Variants in CSNK1G1 observed in about 807,000 individuals in gnomAD.
CSNK1G1 encodes casein kinase 1 gamma 1, also known as casein kinase I isoform gamma-1.
In CSNK1G1, 22 loss-of-function variants were observed where a neutral mutation model predicts 59.6. That is an observed-to-expected ratio of 0.37 (90% CI 0.26 to 0.53). The LOEUF (loss-of-function observed/expected upper bound fraction) is 0.53. Among genes scored for constraint, CSNK1G1 ranks in the 20% least tolerant of loss-of-function variants. CSNK1G1 has a pLI of 0.89. For missense variants in CSNK1G1, 384 were observed against 519.5 expected, an observed-to-expected ratio of 0.74 and a Z score of 2.54; for synonymous variants, 179 against 177.1, an observed-to-expected ratio of 1.01 and a Z score of -0.08.
intron 11 of CSNK1G1, among the ~76,000 whole-genome samples, chr15:64,174,971 T>C (rs1446608575): frequency 6.6e-6 from 1 of 151,514 alleles, no homozygotes; most frequent in Non-Finnish European, 1.5e-5. Context: ...AGCTAGATGG[T>C]ACCCAAGCTC....
At chr15:64,174,384 A>G (rs902282016) in intron 11 of CSNK1G1, among the ~76,000 whole-genome samples, 2 of 152,244 alleles carry the variant, frequency 1.3e-5, no homozygotes, top group African/African-American at 4.8e-5. Context: ...CAGCAGTGGC[A>G]AAGGCTTTTA....
At chr15:64,219,479 GAC>G (rs2082357242) in intron 4 of CSNK1G1, among the ~76,000 whole-genome samples, 1 of 151,972 alleles carries the variant, frequency 6.6e-6, no homozygotes, top group Non-Finnish European at 1.5e-5. Flanking sequence ...TTTCTTTTGA[GAC>G]AGTGTCTCAC....
In CSNK1G1 at chr15:64,188,269, C is replaced by T; in HGVS notation, c.1108-7815G>A. Reference sequence around the variant, plus strand: ...AATCTACAGAGATATTCAATTAGCCCTTCCTGTAAGCTTCCTTTCTAAGGC... The same window carrying T: ...AATCTACAGAGATATTCAATTAGCCTTTCCTGTAAGCTTCCTTTCTAAGGC... On this transcript the variant is annotated intron_variant, in intron 10 of 11. Transcript: ENST00000303052. This position sits in a 1 kb window ranked among gnomAD's most constrained non-coding sequence, Gnocchi z 4.2. 4 of 743,484 alleles carry T rather than the reference C, an allele frequency of 5.4e-6. No individual in the cohort carries two copies. Among genetic ancestry groups the T allele is most frequent in the Non-Finnish European group, 8.5e-6 (4 of 468,472 alleles). 46.1% of individuals were successfully genotyped at this position (743,484 alleles called of 1,614,324 possible). A position where few individuals can be genotyped will look rare whatever the true frequency, so the allele number is the denominator to read the frequency against.
intron 2 of CSNK1G1, among the ~76,000 whole-genome samples, chr15:64,262,438 G>C (rs1322810112): frequency 6.6e-6 from 1 of 152,188 alleles, no homozygotes. Context: ...ATACTAATTT[G>C]AACAATGATA....
At chr15:64,260,255 T>C (rs1452473630) in intron 2 of CSNK1G1, among the ~76,000 whole-genome samples, 1 of 152,150 alleles carries the variant, frequency 6.6e-6, no homozygotes, top group Non-Finnish European at 1.5e-5. Context: ...TCAGCACATA[T>C]AAAACACTCA....
At chr15:64,305,772 C>CAAAAAA (rs55865359) in intron 1 of CSNK1G1, among the ~76,000 whole-genome samples, 2 of 134,298 alleles carry the variant, frequency 1.5e-5, no homozygotes, top group Non-Finnish European at 3.1e-5. Flanking sequence ...TGTGATATTG[C>CAAAAAA]AAAAAAAAAA....
chr15:64,244,323 T>G (rs1179194679), intron 4 of CSNK1G1, among the ~76,000 whole-genome samples: 2 of 142,098 alleles, frequency 1.4e-5, no homozygotes, highest in African/African-American at 2.6e-5. Context: ...GAAAGAGCTC[T>G]ACAAGGGAAA....
intron 1 of CSNK1G1, among the ~76,000 whole-genome samples, chr15:64,353,619 C>CCTGGGTGA (rs1187788389): frequency 6.8e-6 from 1 of 147,536 alleles, no homozygotes; most frequent in South Asian, 2.1e-4. Flanking sequence ...CACACTCCAG[C>CCTGGGTGA]CTGGGTGACA....
At chr15:64,283,045 A>C (rs1894226849) in intron 2 of CSNK1G1, among the ~76,000 whole-genome samples, 1 of 152,212 alleles carries the variant, frequency 6.6e-6, no homozygotes, top group Non-Finnish European at 1.5e-5. Flanking sequence ...AAAAGACTAC[A>C]GATAGGGTGC....
chr15:64,211,547 C>G (rs1412552817), intron 6 of CSNK1G1, among the ~76,000 whole-genome samples: 1 of 152,080 alleles, frequency 6.6e-6, no homozygotes, highest in African/African-American at 2.4e-5. Flanking sequence ...GACTGATGCA[C>G]AGTAGATGCT....
rs533422613 is a variant in CSNK1G1, at chr15:64,167,230, A to G, written c.*4701T>C. On this transcript the variant is annotated 3_prime_UTR_variant, in exon 12 of 12. Transcript: ENST00000303052. The stretch of plus-strand genomic sequence containing the variant: ...AAGATTCCTTACTTGTGGCTAAAAC[A>G]TTGCTCAAAAAGGATAAACCCACAT... 6 of 152,310 alleles carry G rather than the reference A, an allele frequency of 3.9e-5. No homozygotes were observed. Among genetic ancestry groups the G allele is most frequent in the Admixed American group, 3.9e-4 (6 of 15,302 alleles). 9.4% of individuals were successfully genotyped at this position (152,310 alleles called of 1,614,324 possible).
chr15:64,344,929 C>G (rs562021264), intron 1 of CSNK1G1, among the ~76,000 whole-genome samples: 40 of 152,242 alleles, frequency 2.6e-4, no homozygotes, highest in African/African-American at 6.0e-4. Flanking sequence ...CAAAGTGAGC[C>G]TTCATATTGA....
In CSNK1G1 at chr15:64,169,588, G is replaced by C. The variant is rs573625599; in HGVS notation, c.*2343C>G. ...ATTTTCTATACAGGGGTGAGGAAAAGTTAAACTTTCTATACAGTAAGTTAG... is the reference window on the plus strand; with the variant it reads ...ATTTTCTATACAGGGGTGAGGAAAACTTAAACTTTCTATACAGTAAGTTAG... On this transcript the variant is annotated 3_prime_UTR_variant, in exon 12 of 12. Coordinates refer to ENST00000303052, the MANE Select transcript of CSNK1G1 (RefSeq NM_022048.5). The C allele has an allele frequency of 5.9e-5, 9 of 152,266 alleles. No homozygotes were observed. The highest frequency in any genetic ancestry group is 2.2e-4 in the African/African-American group (9 of 41,542). The allele number at this position is 152,266 out of a possible 1,614,324, so 9.4% of individuals were successfully genotyped here.
intron 10 of CSNK1G1, among the ~76,000 whole-genome samples, chr15:64,189,064 T>G (rs1384520305): frequency 6.6e-6 from 1 of 152,068 alleles, no homozygotes; most frequent in East Asian, 1.9e-4. Flanking sequence ...AGGTGGAGGT[T>G]GCAGTGAGCC....
chr15:64,268,741 C>T (rs1893117244), intron 2 of CSNK1G1, among the ~76,000 whole-genome samples: 1 of 152,104 alleles, frequency 6.6e-6, no homozygotes, highest in African/African-American at 2.4e-5. Context: ...CAGCATCCCG[C>T]CACGGAATGA....
chr15:64,182,060 T>TTTTTTTG (rs2081823604), intron 10 of CSNK1G1, among the ~76,000 whole-genome samples: 1 of 122,220 alleles, frequency 8.2e-6, no homozygotes, highest in African/African-American at 3.3e-5. Context: ...CCCGTTTTTT[T>TTTTTTTG]TTTTTTTTTT....
At chr15:64,301,572 A>G (rs1269211104) in intron 1 of CSNK1G1, among the ~76,000 whole-genome samples, 1 of 152,192 alleles carries the variant, frequency 6.6e-6, no homozygotes, top group African/African-American at 2.4e-5. Flanking sequence ...TTTCACTTTC[A>G]TAAATGTTTT....
chr15:64,297,358 T>C (rs1012958481), intron 2 of CSNK1G1, among the ~76,000 whole-genome samples: 1 of 151,790 alleles, frequency 6.6e-6, no homozygotes, highest in East Asian at 1.9e-4. Flanking sequence ...CGCAAAATTT[T>C]AGGGAAATAA....
At chr15:64,323,540 T>G (rs535094510) in intron 1 of CSNK1G1, among the ~76,000 whole-genome samples, 2 of 152,128 alleles carry the variant, frequency 1.3e-5, no homozygotes, top group African/African-American at 4.8e-5. Flanking sequence ...TAATTTTGTA[T>G]TTTTAGTAGA....
Sources: gnomAD v4.1 joint callset for allele counts (sites outside exome capture counted in the v4.1 genomes callset) on GRCh38, gnomAD v4.1.1 for gene constraint, Gnocchi (gnomAD v3.1) non-coding constraint, MANE v1.5 for transcripts, NCBI Gene and HGNC (gene_info 2026-07-23, HGNC 2026-07-21) for gene names.